CDC42BPB: variants seen among roughly 807,000 people sequenced by gnomAD.
The protein encoded by CDC42BPB is serine/threonine-protein kinase MRCK beta.
A neutral mutation model predicts 214.9 loss-of-function variants in CDC42BPB; 37 were observed. The observed-to-expected ratio is 0.17, with a 90% CI of 0.13 to 0.23. The LOEUF is 0.23. Ranked by LOEUF, CDC42BPB falls within the 10% of genes least tolerant of loss-of-function variation. The pLI, the probability that CDC42BPB is intolerant of heterozygous loss-of-function variation, is 1.00. For missense variants in CDC42BPB, 1,694 were observed against 2,227.0 expected (o/e 0.76, Z 4.82); for synonymous variants, 931 against 884.0 (o/e 1.05, Z -0.94).
chr14:103,036,577 ACTC>A (rs1887677750), intron 1 of CDC42BPB, among the ~76,000 whole-genome samples: 1 of 152,122 alleles, frequency 6.6e-6, no homozygotes, highest in Admixed American at 6.6e-5. Flanking sequence ...TCTACAGACT[ACTC>A]CTCATTTGGA....
intron 4 of CDC42BPB, among the ~76,000 whole-genome samples, chr14:103,003,461 A>T (rs1895083886): frequency 6.6e-6 from 1 of 152,202 alleles, no homozygotes; most frequent in Non-Finnish European, 1.5e-5. Context: ...GGCAGCGTGG[A>T]GACTAAGAGT....
At chr14:103,015,279 A>G (rs1279329233) in intron 1 of CDC42BPB, among the ~76,000 whole-genome samples, 3 of 152,220 alleles carry the variant, frequency 2.0e-5, no homozygotes, top group Non-Finnish European at 2.9e-5. Flanking sequence ...CAGAAATACC[A>G]AATATTTTCA....
intron 5 of CDC42BPB, among the ~76,000 whole-genome samples, chr14:102,994,392 T>C (rs1894632365): frequency 1.3e-5 from 2 of 151,972 alleles, no homozygotes. Flanking sequence ...TAAGTGAACT[T>C]GCTGTTTGTG....
At chr14:102,991,197 A>G (rs535762093) in intron 5 of CDC42BPB, among the ~76,000 whole-genome samples, 8 of 152,364 alleles carry the variant, frequency 5.3e-5, no homozygotes, top group African/African-American at 1.9e-4. Context: ...GCTGATGGAT[A>G]TTGTACACCT....
At position 102,950,317 on chromosome 14, in the gene CDC42BPB, C is replaced by T. The variant is rs34098584; in HGVS notation, c.3309+149G>A. ...AACAGCGGCTGCGCCGACCTGATGG[C>T]CTCAGTGCCCAGGAGGGTAAGCCCC... On this transcript the variant is annotated intron_variant, in intron 25 of 36. Transcript: ENST00000361246. The T allele has an allele frequency of 2.4e-3, 2,727 of 1,127,554 alleles. 59 individuals are homozygous for T. In the African/African-American group the frequency reaches 0.036, roughly 15 times the overall value. 69.8% of individuals were successfully genotyped at this position (1,127,554 alleles called of 1,614,324 possible).
chr14:103,021,301 A>G (rs1886757566), intron 1 of CDC42BPB, among the ~76,000 whole-genome samples: 1 of 152,276 alleles, frequency 6.6e-6, no homozygotes, highest in East Asian at 1.9e-4. Flanking sequence ...TCTACTAAAA[A>G]TATTTTTTAA....
chr14:102,974,320 AG>A (rs1893636904), intron 11 of CDC42BPB, 171 bp from the exon 12 acceptor site: 8 of 983,162 alleles, frequency 8.1e-6, no homozygotes, highest in Non-Finnish European at 9.6e-6. Flanking sequence ...ACACACACAC[AG>A]TGTCATAGGC....
Position 102,993,921 on chromosome 14 carries a change from GCTTAA to G in CDC42BPB, c.596+5639_596+5643del, listed in dbSNP as rs557705939. On this transcript the variant is annotated intron_variant, in intron 5 of 36. Transcript: ENST00000361246. ...TCTCCCCAAAAATCTCATCATTTAG[GCTTAA>G]CTTTTTTGGTTTGGGAATGGAAGGC... Among the ~76,000 whole-genome samples, 382 of 152,310 alleles carry G rather than the reference GCTTAA, an allele frequency of 2.5e-3. 1 individual carries two copies. The highest frequency in any genetic ancestry group is 4.6e-3 in the Non-Finnish European group (312 of 68,028).
At chr14:103,017,645 G>A (rs1365950195) in intron 1 of CDC42BPB, among the ~76,000 whole-genome samples, 2 of 152,014 alleles carry the variant, frequency 1.3e-5, no homozygotes, top group African/African-American at 2.4e-5. Context: ...GGAAACACCA[G>A]GCAAACCTAA....
intron 7 of CDC42BPB, among the ~76,000 whole-genome samples, chr14:102,981,562 C>T (rs1423268455): frequency 6.6e-6 from 1 of 152,178 alleles, no homozygotes; most frequent in African/African-American, 2.4e-5. Flanking sequence ...GGGCAGATCA[C>T]CTGAGGTCAG....
rs75255696 is a variant in CDC42BPB at position 103,052,127 on chromosome 14, C to T, written c.175+4872G>A. ...GATTACAGGTGTGAGCCACCACACCCGGCCTGAAGTTTTAAGACAGAAAAG... is the reference window on the plus strand; with the variant it reads ...GATTACAGGTGTGAGCCACCACACCTGGCCTGAAGTTTTAAGACAGAAAAG... On this transcript the variant is annotated intron_variant, in intron 1 of 36. Transcript: ENST00000361246. Among the ~76,000 whole-genome samples, 934 of 152,234 alleles carry T rather than the reference C, an allele frequency of 6.1e-3. 14 individuals carry two copies. Among genetic ancestry groups the T allele is most frequent in the African/African-American group, 0.021 (883 of 41,554 alleles).
intron 6 of CDC42BPB, among the ~76,000 whole-genome samples, chr14:102,985,925 T>A (rs533460468): frequency 6.6e-6 from 1 of 152,366 alleles, no homozygotes; most frequent in African/African-American, 2.4e-5. Flanking sequence ...ACAGGGCCTG[T>A]GGCCTGAGCC....
At chr14:103,032,761 T>C (rs1356051825) in intron 1 of CDC42BPB, among the ~76,000 whole-genome samples, 1 of 150,894 alleles carries the variant, frequency 6.6e-6, no homozygotes, top group Non-Finnish European at 1.5e-5. Context: ...GCCTCCTGAG[T>C]AGCTGGGATT....
At chr14:102,945,989 C>T (rs1892147855) in intron 28 of CDC42BPB, among the ~76,000 whole-genome samples, 1 of 151,958 alleles carries the variant, frequency 6.6e-6, no homozygotes, top group African/African-American at 2.4e-5. Flanking sequence ...TAGCCGGGGC[C>T]AACTGTACTG....
intron 21 of CDC42BPB, chr14:102,954,919 T>C: frequency 1.9e-5 from 9 of 476,396 alleles, no homozygotes; most frequent in Non-Finnish European, 2.2e-5. Context: ...AGCTGAGTGG[T>C]GATTGCGTGG....
intron 5 of CDC42BPB, among the ~76,000 whole-genome samples, chr14:102,997,830 T>C (rs563802715): frequency 1.3e-5 from 2 of 152,344 alleles, no homozygotes; most frequent in South Asian, 4.1e-4. Context: ...GCTGAAAGGA[T>C]GGATTTTAAC....
At chr14:102,996,825 A>AC (rs1176096690) in intron 5 of CDC42BPB, among the ~76,000 whole-genome samples, 12 of 151,910 alleles carry the variant, frequency 7.9e-5, no homozygotes, top group Non-Finnish European at 1.2e-4. Context: ...AAAAAAAAAA[A>AC]AACAACCTAT....
chr14:102,970,341 A>G, intron 13 of CDC42BPB, 80 bp from the exon 14 acceptor site: 1 of 1,520,882 alleles, frequency 6.6e-7, no homozygotes, highest in Admixed American at 2.0e-5. Context: ...CGGGACCTCC[A>G]CAAGAACAAG....
intron 16 of CDC42BPB, 31 bp from the exon 17 acceptor site, chr14:102,967,201 G>A: frequency 1.3e-6 from 2 of 1,594,694 alleles, no homozygotes; most frequent in South Asian, 1.1e-5. Flanking sequence ...CACAGAACTT[G>A]TTAATCGGGC....
Sources: allele counts gnomAD v4.1 joint callset (sites outside exome capture counted in the v4.1 genomes callset), GRCh38; gene constraint gnomAD v4.1.1; transcripts MANE v1.5; gene names NCBI Gene and HGNC (gene_info 2026-07-23, HGNC 2026-07-21).